UVRAG: variants seen among roughly 807,000 people sequenced by gnomAD.
The protein encoded by UVRAG is UV radiation resistance-associated gene protein.
In UVRAG, 19 loss-of-function variants were observed where a neutral mutation model predicts 78.0. The observed-to-expected ratio is 0.24, with a 90% CI of 0.17 to 0.36. UVRAG has a LOEUF of 0.36. UVRAG is among the 10% of genes least tolerant of loss of function. The pLI is 1.00. For missense variants in UVRAG, 740 were observed against 853.8 expected, an observed-to-expected ratio of 0.87 and a Z score of 1.66; for synonymous variants, 323 against 324.6, an observed-to-expected ratio of 1.00 and a Z score of 0.05.
chr11:75,896,840 T>C (rs530849065), intron 5 of UVRAG, among the ~76,000 whole-genome samples: 6 of 152,350 alleles, frequency 3.9e-5, no homozygotes, highest in South Asian at 4.1e-4. Context: ...CTCCAACTTT[T>C]GTGCTATTGA....
intron 12 of UVRAG, among the ~76,000 whole-genome samples, chr11:76,047,005 G>A (rs1235388651): frequency 2.0e-5 from 3 of 152,090 alleles, no homozygotes; most frequent in African/African-American, 7.2e-5. Context: ...GCTTTTGGTG[G>A]CTTCATTTGT....
chr11:76,141,502 C>A lies in UVRAG; in HGVS notation c.*89C>A. 1 of 1,261,556 alleles carries A rather than the reference C, an allele frequency of 7.9e-7. No individual in the cohort carries two copies. Among genetic ancestry groups the A allele is most frequent in the Non-Finnish European group, 1.1e-6 (1 of 913,506 alleles). 78.1% of individuals were successfully genotyped at this position (1,261,556 alleles called of 1,614,324 possible). A position where few individuals can be genotyped will look rare whatever the true frequency, so the allele number is the denominator to read the frequency against. Reference sequence around the variant, plus strand: ...TTAACCCTTTGTGATAATGATGACACAAAATGAATATTAATGGAGGATATT... The same window carrying A: ...TTAACCCTTTGTGATAATGATGACAAAAAATGAATATTAATGGAGGATATT... On this transcript the variant is annotated 3_prime_UTR_variant, in exon 15 of 15. Coordinates refer to ENST00000356136, the MANE Select transcript of UVRAG (RefSeq NM_003369.4).
rs995442159 is a variant in UVRAG at position 76,005,193 on chromosome 11, A to G, written c.911+1104A>G. The stretch of plus-strand genomic sequence containing the variant: ...CCTGTCTCTACTAAAAATACAAAAA[A>G]TTAGCCAGGTGTGGTGGCGGATGCC... On this transcript the variant is annotated intron_variant, in intron 9 of 14. Coordinates refer to ENST00000356136, the MANE Select transcript of UVRAG (RefSeq NM_003369.4). Among the ~76,000 whole-genome samples the G allele has an allele frequency of 1.1e-4, 16 of 152,158 alleles. No individual in the cohort carries two copies. In the East Asian group the frequency reaches 2.1e-3, roughly 20 times the overall value.
At chr11:76,031,097 A>T (rs531057833) in intron 12 of UVRAG, among the ~76,000 whole-genome samples, 21 of 152,290 alleles carry the variant, frequency 1.4e-4, no homozygotes, top group Non-Finnish European at 2.2e-4. Flanking sequence ...AGGTAATCTG[A>T]CACTCTACTC....
chr11:76,111,985 G>A (rs1952077583), intron 13 of UVRAG, among the ~76,000 whole-genome samples: 2 of 149,052 alleles, frequency 1.3e-5, no homozygotes, highest in Non-Finnish European at 1.5e-5. Context: ...AGGGTAAAAT[G>A]AAGAAGGAGG....
chr11:76,025,730 A>G (rs540589789), intron 12 of UVRAG, among the ~76,000 whole-genome samples: 1 of 152,116 alleles, frequency 6.6e-6, no homozygotes. Context: ...AGAAATTGTG[A>G]TGTGTTCAAA....
chr11:76,019,463 G>C (rs1347435294), intron 12 of UVRAG, among the ~76,000 whole-genome samples: 1 of 152,196 alleles, frequency 6.6e-6, no homozygotes, highest in Admixed American at 6.5e-5. Flanking sequence ...CACAGTGTGG[G>C]CTTGTTTATA....
At chr11:75,875,703 T>A (rs183275304) in intron 3 of UVRAG, among the ~76,000 whole-genome samples, 1 of 152,062 alleles carries the variant, frequency 6.6e-6, no homozygotes. Context: ...CTCTCATCTG[T>A]CATGGCAACT....
chr11:76,131,734 C>G (rs967973085), intron 14 of UVRAG, among the ~76,000 whole-genome samples: 1 of 152,156 alleles, frequency 6.6e-6, no homozygotes, highest in East Asian at 1.9e-4. Context: ...AGTACTTACA[C>G]TTATCTGGTA....
At chr11:75,967,006 G>A (rs1216618656) in intron 7 of UVRAG, among the ~76,000 whole-genome samples, 1 of 152,122 alleles carries the variant, frequency 6.6e-6, no homozygotes, top group East Asian at 1.9e-4. Flanking sequence ...GGTCAGAAAG[G>A]AAGTTGACTT....
intron 13 of UVRAG, among the ~76,000 whole-genome samples, chr11:76,111,949 G>C (rs1180702889): frequency 1.3e-5 from 2 of 149,898 alleles, no homozygotes; most frequent in Non-Finnish European, 1.5e-5. Context: ...AAAATCCAGA[G>C]GGTAAAGTGA....
At chr11:75,820,495 C>T (rs1257707679) in intron 1 of UVRAG, among the ~76,000 whole-genome samples, 1 of 152,040 alleles carries the variant, frequency 6.6e-6, no homozygotes, top group Admixed American at 6.6e-5. Flanking sequence ...GCTGGGATTA[C>T]AGGCATGCAC....
Position 76,007,523 on chromosome 11 carries a change from T to C in UVRAG, c.912-11T>C, listed in dbSNP as rs754521067. On this transcript the variant is annotated splice_polypyrimidine_tract_variant and intron_variant, in intron 9 of 14. Transcript: ENST00000356136. The stretch of plus-strand genomic sequence containing the variant: ...ATTTTTTAATAAATGTATTTTTTCT[T>C]TCCTCATTAGAGAACTCTTCTTGAA... 7.5e-6 allele frequency: 12 copies of C among 1,597,184 alleles called. No individual in the cohort carries two copies. Among genetic ancestry groups the C allele is most frequent in the Non-Finnish European group, 1.0e-5 (12 of 1,170,208 alleles).
At chr11:75,900,656 C>T (rs563147412) in intron 5 of UVRAG, among the ~76,000 whole-genome samples, 5 of 152,140 alleles carry the variant, frequency 3.3e-5, no homozygotes, top group Non-Finnish European at 7.4e-5. Flanking sequence ...GCTACTTCAG[C>T]AGGGTTACTT....
chr11:75,890,675 G>A lies in UVRAG; in HGVS notation c.507+1772G>A, dbSNP rs568534714. On this transcript the variant is annotated intron_variant, in intron 5 of 14. Coordinates refer to ENST00000356136, the MANE Select transcript of UVRAG (RefSeq NM_003369.4). ...TATGAGTCTGAAGTTCAGAGGAGAG[G>A]ACTAGGTTAGAAATATTTATGTGGG... Among the ~76,000 whole-genome samples, 3 of 152,252 alleles carry A rather than the reference G, an allele frequency of 2.0e-5. No individual in the cohort carries two copies. The South Asian group carries it at 6.2e-4, about 32-fold the overall frequency.
intron 14 of UVRAG, among the ~76,000 whole-genome samples, chr11:76,128,342 G>A (rs1952450767): frequency 6.6e-6 from 1 of 152,190 alleles, no homozygotes; most frequent in Non-Finnish European, 1.5e-5. Context: ...GTTTCATCCT[G>A]AAACCAGCCC....
In UVRAG at chr11:76,016,944, A is replaced by G. The variant is rs1401207297; in HGVS notation, c.1190A>G (p.Asp397Gly). ...IHKGSRSTIK[D>G]NINDKLTEKE... is the part of the protein sequence containing the mutation. ...AAGGGGTCTAGATCAACAATCAAAG[A>G]CAATATCAATGACAAACTGACGGAA... The change falls in exon 12 of 15, where the codon GAC becomes GGC. Residue 397 changes from aspartate (D) to glycine (G), a missense_variant. Asp to Gly is a moderately conservative substitution (Grantham distance 94). Coordinates refer to ENST00000356136, the MANE Select transcript of UVRAG (RefSeq NM_003369.4). The G allele has an allele frequency of 6.2e-7, 1 of 1,606,612 alleles. No individual in the cohort carries two copies. Among genetic ancestry groups the G allele is most frequent in the Non-Finnish European group, 8.5e-7 (1 of 1,176,090 alleles).
intron 13 of UVRAG, among the ~76,000 whole-genome samples, chr11:76,098,965 A>G (rs1951832379): frequency 1.3e-5 from 2 of 152,156 alleles, no homozygotes; most frequent in African/African-American, 2.4e-5. Flanking sequence ...ACACACGTTC[A>G]TCATACATGC....
intron 6 of UVRAG, among the ~76,000 whole-genome samples, chr11:75,954,513 C>T (rs1343170828): frequency 3.9e-5 from 6 of 152,078 alleles, no homozygotes; most frequent in Admixed American, 3.9e-4. Flanking sequence ...TGAGTGGTCT[C>T]TATGTGATTT....
Sources: gnomAD v4.1 joint callset for allele counts (sites outside exome capture counted in the v4.1 genomes callset) on GRCh38, gnomAD v4.1.1 for gene constraint, MANE v1.5 for transcripts, NCBI Gene and HGNC (gene_info 2026-07-23, HGNC 2026-07-21) for gene names.